The following ZNF765 variants were observed in gnomAD, a reference collection of about 807,000 sequenced individuals.
ZNF765 encodes zinc finger protein 765.
A neutral mutation model predicts 44.7 loss-of-function variants in ZNF765; 37 were observed. That is an observed-to-expected ratio of 0.83 (90% CI 0.64 to 1.09). The LOEUF (loss-of-function observed/expected upper bound fraction) is 1.09, where lower values mean the gene tolerates loss of function less well. Among genes scored for constraint, ZNF765 ranks in the 50% least tolerant of loss-of-function variants. ZNF765 has a pLI of 0.00. For missense variants in ZNF765, 594 were observed against 626.1 expected, an observed-to-expected ratio of 0.95 and a Z score of 0.55; for synonymous variants, 201 against 213.7, an observed-to-expected ratio of 0.94 and a Z score of 0.52.
chr19:53,425,374 A>G (rs2085933088), exon 4 of ZNF765: 2 of 152,152 alleles, frequency 1.3e-5, no homozygotes, highest in African/African-American at 2.4e-5. Flanking sequence ...AATGGTGCCA[A>G]CTTGGCTCAG....
At chr19:53,417,958 G>T (rs749408886) in intron 3 of ZNF765, among the ~76,000 whole-genome samples, 5 of 152,154 alleles carry the variant, frequency 3.3e-5, no homozygotes, top group African/African-American at 1.2e-4. Flanking sequence ...AGTATTTCCT[G>T]CTTCCTTCTT....
At chr19:53,396,983 G>A (rs1460525334) in intron 1 of ZNF765, among the ~76,000 whole-genome samples, 1 of 152,246 alleles carries the variant, frequency 6.6e-6, no homozygotes, top group African/African-American at 2.4e-5. Context: ...TTAACAAGGA[G>A]AGGTGAGGTA....
chr19:53,426,134 C>A (rs1157041097), exon 4 of ZNF765: 5 of 153,216 alleles, frequency 3.3e-5, no homozygotes, highest in South Asian at 1.8e-4. Flanking sequence ...GGGAGAAGCC[C>A]CCCTCAGCAG....
exon 4 of ZNF765, chr19:53,424,941 G>A (rs1400917186): frequency 2.0e-5 from 3 of 152,412 alleles, no homozygotes; most frequent in African/African-American, 7.2e-5. Context: ...TGGGATAACA[G>A]GCTTGAGCCA....
downstream of ZNF765, among the ~76,000 whole-genome samples, chr19:53,413,850 C>T (rs371414066): frequency 2.8e-5 from 4 of 140,582 alleles, no homozygotes; most frequent in African/African-American, 1.1e-4. Context: ...AATTACTAAG[C>T]CAAAGAGAAA....
rs142871061 is a variant in ZNF765, at chr19:53,405,303, G to C, written c.143-2395G>C. 1.8e-3 allele frequency among the ~76,000 whole-genome samples: 270 copies of C among 151,028 alleles called. 1 individual carries two copies. Among genetic ancestry groups the C allele is most frequent in the Non-Finnish European group, 2.9e-3 (193 of 67,112 alleles). On this transcript the variant is annotated intron_variant, in intron 3 of 3. Transcript: ENST00000396408. ...GGAGGTGGAGGTTGCAGTGAGCCAAGATTGCCCCACTACACTCCAGTCCAG... is the reference window on the plus strand; with the variant it reads ...GGAGGTGGAGGTTGCAGTGAGCCAACATTGCCCCACTACACTCCAGTCCAG...
chr19:53,402,331 A>G, intron 3 of ZNF765, 140 bp downstream of exon 3: 1 of 1,422,730 alleles, frequency 7.0e-7, no homozygotes, highest in Non-Finnish European at 9.3e-7. Context: ...ATCTCGGCTC[A>G]CGGCCAGCTC....
chr19:53,415,823 T>C (rs551680002), downstream of ZNF765, among the ~76,000 whole-genome samples: 3 of 152,156 alleles, frequency 2.0e-5, no homozygotes, highest in African/African-American at 7.2e-5. Flanking sequence ...AAATACAGCA[T>C]GTGAAATTAC....
chr19:53,396,139 A>G (rs1033393931), intron 1 of ZNF765, among the ~76,000 whole-genome samples: 5 of 152,200 alleles, frequency 3.3e-5, no homozygotes, highest in African/African-American at 7.2e-5. Flanking sequence ...AGGAGGAGGG[A>G]TTTGGAGCCA....
At position 53,411,005 on chromosome 19, in the gene ZNF765, T is replaced by C. The variant is rs1174847839; in HGVS notation, c.*1878T>C. ...AGAAAATTCATTTTGGAGATAGTTG[T>C]TCCAAATACAATGTGTATAGCAAAC... On this transcript the variant is annotated 3_prime_UTR_variant, in exon 4 of 4. Transcript: ENST00000396408. 2.8e-6 allele frequency: 1 copy of C among 359,912 alleles called. No homozygotes were observed. The highest frequency in any genetic ancestry group is 2.1e-5 in the African/African-American group (1 of 46,688). 22.3% of individuals were successfully genotyped at this position (359,912 alleles called of 1,614,324 possible).
chr19:53,416,816 C>A (rs1600065844), downstream of ZNF765, among the ~76,000 whole-genome samples: 1 of 149,664 alleles, frequency 6.7e-6, no homozygotes, highest in Admixed American at 6.7e-5. Flanking sequence ...CCATTGATTT[C>A]TTTTCTTTTT....
At chr19:53,420,715 A>T (rs2085901896) in intron 3 of ZNF765, among the ~76,000 whole-genome samples, 1 of 152,102 alleles carries the variant, frequency 6.6e-6, no homozygotes, top group South Asian at 2.1e-4. Context: ...GGTTTAATGG[A>T]TTTAGGGCTG....
rs1301108407 is a variant in ZNF765, at chr19:53,409,467, T to A, written c.*340T>A. ...AGAAACCTTACAGGTGTAATGAGTG[T>A]GGCAAGACCTTCAGCCAGACCTCAT... On this transcript the variant is annotated 3_prime_UTR_variant, in exon 4 of 4. Transcript: ENST00000396408. 7 of 886,212 alleles carry A rather than the reference T, an allele frequency of 7.9e-6. No homozygotes were observed. The highest frequency in any genetic ancestry group is 1.3e-5 in the Non-Finnish European group (7 of 520,324). 54.9% of individuals were successfully genotyped at this position (886,212 alleles called of 1,614,324 possible).
chr19:53,418,563 C>G (rs1468243604), intron 3 of ZNF765, among the ~76,000 whole-genome samples: 10 of 151,994 alleles, frequency 6.6e-5, no homozygotes, highest in Admixed American at 6.6e-4. Context: ...TTATACTTCA[C>G]TTTGACAGGT....
chr19:53,415,040 G>C (rs2147104144), downstream of ZNF765, among the ~76,000 whole-genome samples: 1 of 152,292 alleles, frequency 6.6e-6, no homozygotes, highest in East Asian at 1.9e-4. Context: ...GGGAGGTTGA[G>C]GCAGGCAGAT....
Position 53,408,391 on chromosome 19 carries a change from C to T in ZNF765, c.836C>T (p.Thr279Ile). The T allele has an allele frequency of 1.2e-6, 2 of 1,614,176 alleles. No homozygotes were observed. Among genetic ancestry groups the T allele is most frequent in the Non-Finnish European group, 1.7e-6 (2 of 1,180,010 alleles). ...TACAAGTGTAATGAGTGTGGCAAGA[C>T]CTTCAGTCAGACATATTACCTAACA... ...KPYKCNECGK[T>I]FSQTYYLTCH... Residue 279 changes from threonine (T) to isoleucine (I), a missense_variant, in exon 4 of 4, where the codon ACC (threonine) becomes ATC (isoleucine). Physicochemically the swap from Thr to Ile is moderately conservative, Grantham distance 89 (BLOSUM62 -1). Transcript: ENST00000396408.
In ZNF765 at chr19:53,407,928, C is replaced by G; in HGVS notation, c.373C>G (p.Arg125Gly). 1 of 1,614,068 alleles carries G rather than the reference C, an allele frequency of 6.2e-7. No homozygotes were observed. The highest frequency in any genetic ancestry group is 8.5e-7 in the Non-Finnish European group (1 of 1,180,006). The change falls in exon 4 of 4, where the codon CGA becomes GGA. Residue 125 changes from arginine (R) to glycine (G), a missense_variant. Coordinates refer to ENST00000396408, the MANE Select transcript of ZNF765 (RefSeq NM_001040185.3). ...KIKKLTGSTE[R>G]YDQNYAGNKP... ...CAAAAAGTTGACAGGTAGTACAGAG[C>G]GATATGATCAAAATTATGCTGGAAA...
At chr19:53,395,680 C>G (rs1431952314) in intron 1 of ZNF765, among the ~76,000 whole-genome samples, 1 of 152,208 alleles carries the variant, frequency 6.6e-6, no homozygotes, top group East Asian at 1.9e-4. Flanking sequence ...CCTACTGCTC[C>G]CCAGGTTCGC....
At chr19:53,396,249 A>AGG (rs1033446294) in intron 1 of ZNF765, among the ~76,000 whole-genome samples, 1 of 150,012 alleles carries the variant, frequency 6.7e-6, no homozygotes, top group African/African-American at 2.5e-5. Flanking sequence ...AGTGGGGATG[A>AGG]GGGTATAACA....
Sources: gnomAD v4.1 joint callset for allele counts (sites outside exome capture counted in the v4.1 genomes callset) on GRCh38, gnomAD v4.1.1 for gene constraint, MANE v1.5 for transcripts, NCBI Gene and HGNC (gene_info 2026-07-23, HGNC 2026-07-21) for gene names.